SAMD12: variants seen among roughly 807,000 people sequenced by gnomAD.
The protein encoded by SAMD12 is sterile alpha motif domain containing 12.
A neutral mutation model predicts 15.0 loss-of-function variants in SAMD12; 9 were observed. The observed-to-expected ratio is 0.60, with a 90% confidence interval of 0.36 to 1.05. SAMD12 has a LOEUF of 1.05. Ranked by LOEUF, SAMD12 falls within the 50% of genes least tolerant of loss-of-function variation. SAMD12 has a pLI of 0.01. For missense variants in SAMD12, 230 were observed against 234.2 expected, an observed-to-expected ratio of 0.98 and a Z score of 0.12; for synonymous variants, 86 against 90.1, an observed-to-expected ratio of 0.96 and a Z score of 0.25.
chr8:118,436,676 G>T, intron 3 of SAMD12, among the ~76,000 whole-genome samples: 1 of 152,188 alleles, frequency 6.6e-6, no homozygotes, highest in East Asian at 1.9e-4. Flanking sequence ...CAGCCTTAAA[G>T]ATTAGCACAG....
chr8:118,237,867 C>A (rs1489735559), intron 4 of SAMD12, among the ~76,000 whole-genome samples: 1 of 152,164 alleles, frequency 6.6e-6, no homozygotes, highest in Non-Finnish European at 1.5e-5. Context: ...TTTTCTCCCT[C>A]TGTTCCAATG....
chr8:118,523,067 C>T (rs7818512), intron 2 of SAMD12, among the ~76,000 whole-genome samples: 105,678 of 152,060 alleles, frequency 0.69, 38,042 homozygotes, highest in African/African-American at 0.9. Context: ...ATCTAACTCA[C>T]AAAATATATT....
chr8:118,394,021 A>G (rs1246852426), intron 3 of SAMD12, among the ~76,000 whole-genome samples: 3 of 72,352 alleles, frequency 4.1e-5, no homozygotes, highest in Admixed American at 1.1e-4. Flanking sequence ...CCCCTATTTG[A>G]TAAGTGACAA....
intron 4 of SAMD12, among the ~76,000 whole-genome samples, chr8:118,327,547 G>C (rs1014123414): frequency 6.6e-6 from 1 of 152,128 alleles, no homozygotes; most frequent in Non-Finnish European, 1.5e-5. Context: ...GATAAATGTC[G>C]AGGAAGAGGG....
At chr8:118,447,708 T>G (rs988926489) in intron 2 of SAMD12, among the ~76,000 whole-genome samples, 2 of 129,308 alleles carry the variant, frequency 1.5e-5, no homozygotes, top group Non-Finnish European at 3.1e-5. Flanking sequence ...TTTTTAATAT[T>G]TATTTATTTA....
At chr8:118,280,339 C>CA (rs1183197136) in intron 4 of SAMD12, among the ~76,000 whole-genome samples, 1 of 152,124 alleles carries the variant, frequency 6.6e-6, no homozygotes, top group East Asian at 1.9e-4. Flanking sequence ...GAGAGGAGCA[C>CA]AGTCACTCAA....
chr8:118,411,003 C>T (rs1821382420), intron 3 of SAMD12, among the ~76,000 whole-genome samples: 1 of 152,014 alleles, frequency 6.6e-6, no homozygotes. Context: ...AGGAAAATGT[C>T]ATCAGTAAGT....
At chr8:118,474,001 C>A (rs959074121) in intron 2 of SAMD12, among the ~76,000 whole-genome samples, 5 of 152,188 alleles carry the variant, frequency 3.3e-5, no homozygotes, top group Admixed American at 3.3e-4. Flanking sequence ...TTCTATAGCC[C>A]AGGCTGGAAT....
chr8:118,598,927 C>T (rs1414047043), intron 1 of SAMD12, among the ~76,000 whole-genome samples: 1 of 152,178 alleles, frequency 6.6e-6, no homozygotes, highest in Non-Finnish European at 1.5e-5. Context: ...AATTAAGAAC[C>T]ACTGAGTAAG....
intron 2 of SAMD12, among the ~76,000 whole-genome samples, chr8:118,490,772 T>C (rs1279806729): frequency 6.6e-6 from 1 of 152,128 alleles, no homozygotes; most frequent in Non-Finnish European, 1.5e-5. Context: ...AGTTTTCTCC[T>C]AGAGAAGGCC....
chr8:118,242,153 G>C (rs113097334), intron 4 of SAMD12, among the ~76,000 whole-genome samples: 134 of 152,248 alleles, frequency 8.8e-4, no homozygotes, highest in African/African-American at 3.1e-3. Flanking sequence ...ATGCTCAAGT[G>C]ATCCACCCTC....
chr8:118,528,459 A>G (rs1825593304), intron 2 of SAMD12, among the ~76,000 whole-genome samples: 1 of 152,248 alleles, frequency 6.6e-6, no homozygotes. Flanking sequence ...TCTGGTCCAC[A>G]TGTTTTTTAA....
chr8:118,513,881 A>G (rs1230372698), intron 2 of SAMD12, among the ~76,000 whole-genome samples: 3 of 152,244 alleles, frequency 2.0e-5, no homozygotes, highest in Non-Finnish European at 4.4e-5. Context: ...CTAACCAAAA[A>G]GGAATAGTGT....
intron 2 of SAMD12, among the ~76,000 whole-genome samples, chr8:118,509,718 G>A (rs1466014326): frequency 1.3e-5 from 2 of 151,806 alleles, no homozygotes; most frequent in Non-Finnish European, 2.9e-5. Context: ...ATCATTAAGA[G>A]CTTTAAGTTG....
intron 3 of SAMD12, among the ~76,000 whole-genome samples, chr8:118,411,229 C>A (rs1407927872): frequency 6.6e-6 from 1 of 152,132 alleles, no homozygotes; most frequent in Non-Finnish European, 1.5e-5. Flanking sequence ...TTGCAATTTT[C>A]AAGCACAATT....
intron 4 of SAMD12, among the ~76,000 whole-genome samples, chr8:118,263,381 T>A (rs183630345): frequency 1.3e-5 from 2 of 152,018 alleles, no homozygotes; most frequent in Non-Finnish European, 2.9e-5. Context: ...GAAAATCAGG[T>A]GCTTTTAGGG....
intron 4 of SAMD12, among the ~76,000 whole-genome samples, chr8:118,351,892 T>G (rs1383973059): frequency 1.3e-5 from 2 of 152,212 alleles, no homozygotes; most frequent in Non-Finnish European, 2.9e-5. Flanking sequence ...ACAGTTCTCA[T>G]TCTTCTGGAA....
chr8:118,186,905 A>C (rs4259442), downstream of SAMD12, among the ~76,000 whole-genome samples: 1,822 of 152,208 alleles, frequency 0.012, 47 homozygotes, highest in African/African-American at 0.042. Flanking sequence ...GTAGGATTTT[A>C]AGATATTTTC....
intron 2 of SAMD12, among the ~76,000 whole-genome samples, chr8:118,537,397 G>T (rs1461484003): frequency 6.6e-6 from 1 of 151,936 alleles, no homozygotes; most frequent in Admixed American, 6.6e-5. Context: ...TCTCTTTAGG[G>T]CAATAACTCT....
Sources: gnomAD v4.1 joint callset for allele counts (sites outside exome capture counted in the v4.1 genomes callset) on GRCh38, gnomAD v4.1.1 for gene constraint, MANE v1.5 for transcripts, NCBI Gene and HGNC (gene_info 2026-07-23, HGNC 2026-07-21) for gene names.